SYNPR: variants seen among roughly 807,000 people sequenced by gnomAD.
The protein encoded by SYNPR is synaptoporin.
A neutral mutation model predicts 32.9 loss-of-function variants in SYNPR; 23 were observed. The ratio of observed to expected loss-of-function variants is 0.70; its 90% CI spans 0.50 to 0.99. The LOEUF (loss-of-function observed/expected upper bound fraction) is 0.99. SYNPR is among the 50% of genes least tolerant of loss of function. The pLI is 0.00. For missense variants in SYNPR, 318 were observed against 349.3 expected (o/e 0.91, Z 0.71); for synonymous variants, 146 against 135.9 (o/e 1.07, Z -0.52).
At chr3:63,206,910 AGTT>A in the SYNPR span, among the ~76,000 whole-genome samples, 5 of 152,262 alleles carry the variant, frequency 3.3e-5, no homozygotes, top group Non-Finnish European at 5.9e-5. Flanking sequence ...CTGTGCCTGG[AGTT>A]GTTGTTATGG....
At chr3:63,366,315 TA>T (rs1278462838) in intron 2 of SYNPR, among the ~76,000 whole-genome samples, 1 of 152,136 alleles carries the variant, frequency 6.6e-6, no homozygotes, top group Non-Finnish European at 1.5e-5. Context: ...ATAAGAGGAA[TA>T]TTTATGGTTT....
intron 2 of SYNPR, among the ~76,000 whole-genome samples, chr3:63,290,991 T>C (rs2086733334): frequency 6.6e-6 from 1 of 152,162 alleles, no homozygotes; most frequent in Non-Finnish European, 1.5e-5. Flanking sequence ...CATGGAGATA[T>C]TAGAAAATTA....
intron 2 of SYNPR, among the ~76,000 whole-genome samples, chr3:63,425,414 T>A (rs1001463267): frequency 2.0e-5 from 3 of 152,206 alleles, no homozygotes; most frequent in African/African-American, 7.2e-5. Context: ...ATTATGGGTA[T>A]ACATGCTACA....
intron 4 of SYNPR, among the ~76,000 whole-genome samples, chr3:63,601,938 C>T (rs72889257): frequency 0.019 from 2,938 of 152,320 alleles, 52 homozygotes; most frequent in South Asian, 0.086. Context: ...AACTAGTTTA[C>T]GCTCCTACCA....
At chr3:63,414,244 T>G (rs1356184736) in intron 2 of SYNPR, among the ~76,000 whole-genome samples, 2 of 152,144 alleles carry the variant, frequency 1.3e-5, no homozygotes, top group African/African-American at 4.8e-5. Context: ...AAAATGTAGT[T>G]GACAGTAATT....
chr3:63,586,654 ATGTG>A (rs10530383), intron 4 of SYNPR, among the ~76,000 whole-genome samples: 166 of 143,658 alleles, frequency 1.2e-3, no homozygotes, highest in African/African-American at 3.4e-3. Context: ...TGCAGATTCA[ATGTG>A]TGTGTGTGTG....
chr3:63,226,065 A>C (rs893551344), upstream of SYNPR, among the ~76,000 whole-genome samples: 1 of 152,232 alleles, frequency 6.6e-6, no homozygotes, highest in African/African-American at 2.4e-5. Context: ...TTCTCAAAAG[A>C]AGACATACAA....
At chr3:63,513,107 GA>G (rs1462692955) in intron 3 of SYNPR, among the ~76,000 whole-genome samples, 4 of 93,360 alleles carry the variant, frequency 4.3e-5, no homozygotes, top group African/African-American at 6.3e-5. Context: ...ATACACCAAA[GA>G]AAAAGATCAT....
intron 2 of SYNPR, chr3:63,351,511 A>G (rs1404512965): frequency 6.6e-6 from 1 of 152,208 alleles, no homozygotes; most frequent in Non-Finnish European, 1.5e-5. Flanking sequence ...GGAAATTGAA[A>G]TTAAAACAGT....
chr3:63,281,658 G>A (rs2086631178), intron 2 of SYNPR, among the ~76,000 whole-genome samples: 1 of 152,026 alleles, frequency 6.6e-6, no homozygotes, highest in African/African-American at 2.4e-5. Flanking sequence ...CCACATTTAT[G>A]AGCTAATCAC....
chr3:63,534,476 C>T (rs1006629812), intron 3 of SYNPR, among the ~76,000 whole-genome samples: 2 of 152,078 alleles, frequency 1.3e-5, no homozygotes, highest in African/African-American at 2.4e-5. Context: ...TTTATTGTAC[C>T]TCTCTTACTA....
intron 2 of SYNPR, among the ~76,000 whole-genome samples, 151 bp downstream of exon 2, chr3:63,278,893 C>A (rs1367140604): frequency 6.6e-6 from 1 of 152,178 alleles, no homozygotes; most frequent in African/African-American, 2.4e-5. Context: ...TCCTAAGATG[C>A]CGTTCCAAGG....
In SYNPR at chr3:63,294,583, CA is replaced by C. The variant is rs139179931; in HGVS notation, c.84+15842del. Among the ~76,000 whole-genome samples, 1,213 of 152,264 alleles carry C rather than the reference CA, an allele frequency of 8.0e-3. 17 individuals carry two copies. The highest frequency in any genetic ancestry group is 0.028 in the African/African-American group (1,148 of 41,554). On this transcript the variant is annotated intron_variant, in intron 2 of 5. Transcript: ENST00000478300. Reference sequence around the variant, plus strand: ...TTTCTAGGTCATCGTACTACTCCACCACTTGGAAATTATTTAGATTGTTGTT... The same window carrying C: ...TTTCTAGGTCATCGTACTACTCCACCCTTGGAAATTATTTAGATTGTTGTT...
At chr3:63,416,183 A>C (rs981798854) in intron 2 of SYNPR, among the ~76,000 whole-genome samples, 3 of 152,316 alleles carry the variant, frequency 2.0e-5, no homozygotes, top group Middle Eastern at 3.4e-3. Context: ...TTCTATTTAT[A>C]TGTGTGTGTT....
chr3:63,230,112 G>C (rs2086156037), intron 1 of SYNPR, among the ~76,000 whole-genome samples: 1 of 151,996 alleles, frequency 6.6e-6, no homozygotes, highest in Admixed American at 6.6e-5. Context: ...TTTCCCTCTT[G>C]CATGTTTCAA....
At chr3:63,567,084 A>G (rs1156960871) in intron 4 of SYNPR, among the ~76,000 whole-genome samples, 1 of 152,034 alleles carries the variant, frequency 6.6e-6, no homozygotes, top group Non-Finnish European at 1.5e-5. Context: ...GAGCCTCCCA[A>G]CTCAGCATAA....
intron 2 of SYNPR, among the ~76,000 whole-genome samples, chr3:63,321,938 C>G (rs140392423): frequency 6.6e-6 from 1 of 152,060 alleles, no homozygotes; most frequent in Non-Finnish European, 1.5e-5. Context: ...AGGAAATTAG[C>G]AGTTCTCAGC....
chr3:63,401,293 C>T (rs1270180917), intron 2 of SYNPR, among the ~76,000 whole-genome samples: 1 of 152,118 alleles, frequency 6.6e-6, no homozygotes, highest in East Asian at 1.9e-4. Flanking sequence ...TGTATATGCA[C>T]TCAGGCCATC....
intron 2 of SYNPR, among the ~76,000 whole-genome samples, chr3:63,449,743 G>T (rs1700344979): frequency 6.6e-6 from 1 of 152,086 alleles, no homozygotes; most frequent in African/African-American, 2.4e-5. Context: ...GACAAGTAAG[G>T]CATCTCTAAG....
Sources: gnomAD v4.1 joint callset for allele counts (sites outside exome capture counted in the v4.1 genomes callset) on GRCh38, gnomAD v4.1.1 for gene constraint, MANE v1.5 for transcripts, NCBI Gene and HGNC (gene_info 2026-07-23, HGNC 2026-07-21) for gene names.